CSMD1: variants seen among roughly 807,000 people sequenced by gnomAD.
CSMD1 encodes the protein CUB and sushi domain-containing protein 1.
A neutral mutation model predicts 417.5 loss-of-function variants in CSMD1; 213 were observed. The ratio of observed to expected loss-of-function variants is 0.51; its 90% confidence interval spans 0.46 to 0.57. CSMD1 has a LOEUF of 0.57. Ranked by LOEUF, CSMD1 falls within the 20% of genes least tolerant of loss-of-function variation. The probability of loss-of-function intolerance (pLI) is 0.00; values close to 1 mark genes in which losing one functional copy is unlikely to be tolerated. For synonymous variants in CSMD1, 2,862 were observed against 1,736.8 expected, an observed-to-expected ratio of 1.65 and a Z score of -16.11; for missense variants, 6,923 against 4,529.7, an observed-to-expected ratio of 1.53 and a Z score of -15.17.
At chr8:4,002,683 C>T (rs1327431401) in intron 4 of CSMD1, among the ~76,000 whole-genome samples, 1 of 152,168 alleles carries the variant, frequency 6.6e-6, no homozygotes, top group South Asian at 2.1e-4. Context: ...GAACCATTAT[C>T]CCTGCAGTGT....
chr8:4,904,813 G>C (rs1232248072), intron 1 of CSMD1, among the ~76,000 whole-genome samples: 1 of 152,136 alleles, frequency 6.6e-6, no homozygotes, highest in African/African-American at 2.4e-5. Flanking sequence ...ACATGAAACA[G>C]AAAGTCTGGC....
chr8:4,181,194 C>T (rs996523389), intron 3 of CSMD1, among the ~76,000 whole-genome samples: 2 of 152,118 alleles, frequency 1.3e-5, no homozygotes, highest in Non-Finnish European at 2.9e-5. Context: ...AATAAATAGA[C>T]ATCCCATATA....
intron 3 of CSMD1, among the ~76,000 whole-genome samples, chr8:4,410,723 A>G (rs116449406): frequency 0.012 from 1,787 of 152,326 alleles, 40 homozygotes; most frequent in African/African-American, 0.04. Flanking sequence ...AAGTATGTAC[A>G]GAAGATAAAA....
chr8:3,696,060 A>AT (rs1421161004), intron 7 of CSMD1, among the ~76,000 whole-genome samples: 2 of 151,786 alleles, frequency 1.3e-5, no homozygotes, highest in Non-Finnish European at 2.9e-5. Context: ...AGCTGTTAAG[A>AT]TTTTCTTATG....
chr8:4,387,630 T>C (rs550034523), intron 3 of CSMD1, among the ~76,000 whole-genome samples: 4 of 135,446 alleles, frequency 3.0e-5, no homozygotes, highest in South Asian at 2.4e-4. Context: ...GAATTTAATA[T>C]GAAACCATTT....
intron 23 of CSMD1, among the ~76,000 whole-genome samples, chr8:3,332,996 G>A (rs933836344): frequency 1.3e-5 from 2 of 152,214 alleles, no homozygotes; most frequent in African/African-American, 4.8e-5. Flanking sequence ...AAGAGGGTCT[G>A]GCCTCCATGA....
chr8:4,414,653 C>T (rs1427038375), intron 3 of CSMD1, among the ~76,000 whole-genome samples: 4 of 152,018 alleles, frequency 2.6e-5, no homozygotes, highest in Admixed American at 6.6e-5. Flanking sequence ...AAATCAAATT[C>T]AAATTTTTCA....
chr8:4,092,826 T>G (rs1385400170), intron 3 of CSMD1, among the ~76,000 whole-genome samples: 1 of 152,226 alleles, frequency 6.6e-6, no homozygotes, highest in Non-Finnish European at 1.5e-5. Context: ...TAATTTGTTT[T>G]GATCAAAGCA....
intron 26 of CSMD1, among the ~76,000 whole-genome samples, chr8:3,273,609 C>A (rs1011512086): frequency 2.6e-5 from 4 of 152,154 alleles, no homozygotes; most frequent in Non-Finnish European, 4.4e-5. Context: ...ACAATTTCAG[C>A]TCCTGTTTTT....
chr8:4,823,354 TTAC>T (rs1799624991), intron 1 of CSMD1, among the ~76,000 whole-genome samples: 2 of 152,044 alleles, frequency 1.3e-5, no homozygotes, highest in African/African-American at 4.8e-5. Context: ...ACAATTACAA[TTAC>T]ACTCTACAAG....
chr8:4,843,891 C>T (rs1390938732), intron 1 of CSMD1, among the ~76,000 whole-genome samples: 3 of 152,160 alleles, frequency 2.0e-5, no homozygotes, highest in South Asian at 2.1e-4. Flanking sequence ...CTAACACACC[C>T]AGTGAGCTCT....
chr8:4,211,367 T>C (rs548747229), intron 3 of CSMD1, among the ~76,000 whole-genome samples: 2 of 152,346 alleles, frequency 1.3e-5, no homozygotes, highest in South Asian at 2.1e-4. Flanking sequence ...CTGTTTTTCT[T>C]TGAAGTAATG....
intron 16 of CSMD1, among the ~76,000 whole-genome samples, chr8:3,397,746 G>A (rs73173196): frequency 0.053 from 8,128 of 152,252 alleles, 272 homozygotes; most frequent in Non-Finnish European, 0.078. Context: ...GACTGACAAA[G>A]TGCCTATTTC....
intron 2 of CSMD1, among the ~76,000 whole-genome samples, chr8:4,488,105 A>C (rs1178079745): frequency 6.6e-6 from 1 of 152,194 alleles, no homozygotes; most frequent in African/African-American, 2.4e-5. Flanking sequence ...ACCATCTATA[A>C]ATAAGAAAGC....
At chr8:4,068,833 G>A (rs370708416) in intron 3 of CSMD1, among the ~76,000 whole-genome samples, 1 of 152,118 alleles carries the variant, frequency 6.6e-6, no homozygotes, top group South Asian at 2.1e-4. Context: ...TGACATTCAT[G>A]TACTGTATCA....
intron 27 of CSMD1, among the ~76,000 whole-genome samples, chr8:3,228,344 A>G (rs1585718833): frequency 6.6e-6 from 1 of 152,386 alleles, no homozygotes; most frequent in African/African-American, 2.4e-5. Context: ...CAGAGGACAT[A>G]AACCTCATTC....
intron 68 of CSMD1, among the ~76,000 whole-genome samples, chr8:2,943,543 G>T (rs377293528): frequency 6.6e-6 from 1 of 152,098 alleles, no homozygotes; most frequent in African/African-American, 2.4e-5. Context: ...TATACCTTTT[G>T]TCCATTAGAA....
At chr8:3,821,204 C>A (rs1353854114) in intron 5 of CSMD1, among the ~76,000 whole-genome samples, 1 of 152,148 alleles carries the variant, frequency 6.6e-6, no homozygotes, top group Admixed American at 6.5e-5. Flanking sequence ...AGGTGTGAAC[C>A]ACCGTACCCA....
intron 2 of CSMD1, among the ~76,000 whole-genome samples, chr8:4,467,326 T>A (rs903897858): frequency 1.3e-5 from 2 of 152,110 alleles, no homozygotes; most frequent in East Asian, 3.9e-4. Context: ...GATTATTTAA[T>A]TGACCCATTA....
Sources: gnomAD v4.1 joint callset for allele counts (sites outside exome capture counted in the v4.1 genomes callset) on GRCh38, gnomAD v4.1.1 for gene constraint, MANE v1.5 for transcripts, NCBI Gene and HGNC (gene_info 2026-07-23, HGNC 2026-07-21) for gene names.